The following WIPF1 variants were observed in gnomAD, a reference collection of about 807,000 sequenced individuals.
WIPF1 encodes the protein WAS/WASL interacting protein family member 1.
A neutral mutation model predicts 35.4 loss-of-function variants in WIPF1; 13 were observed. That is an observed-to-expected ratio of 0.37 (90% CI 0.24 to 0.58). WIPF1 has a LOEUF of 0.58. Among genes scored for constraint, WIPF1 ranks in the 20% least tolerant of loss-of-function variants. The probability of loss-of-function intolerance (pLI) is 0.74; values close to 1 mark genes in which losing one functional copy is unlikely to be tolerated. For synonymous variants in WIPF1, 267 were observed against 266.3 expected (o/e 1.00, Z -0.02); for missense variants, 591 against 667.0 (o/e 0.89, Z 1.25).
At chr2:174,575,046 T>C in intron 4 of WIPF1, 158 bp downstream of exon 4, 1 of 911,870 alleles carries the variant, frequency 1.1e-6, no homozygotes, top group Non-Finnish European at 1.8e-6. Context: ...ATAATAATAA[T>C]AAAGCCTAAA....
chr2:174,612,472 C>A (rs927954776), intron 1 of WIPF1, among the ~76,000 whole-genome samples: 6 of 152,070 alleles, frequency 3.9e-5, no homozygotes, highest in Non-Finnish European at 8.8e-5. Context: ...TTCATTATTA[C>A]AAATCCTATT....
intron 1 of WIPF1, among the ~76,000 whole-genome samples, chr2:174,652,083 G>A (rs532537884): frequency 3.3e-5 from 5 of 152,318 alleles, no homozygotes; most frequent in Non-Finnish European, 5.9e-5. Flanking sequence ...TGTTTCCAAT[G>A]AACGAGGCAG....
chr2:174,571,720 C>A lies in WIPF1; in HGVS notation c.1085G>T (p.Ser362Ile), dbSNP rs779795011. 6 of 1,613,972 alleles carry A rather than the reference C, an allele frequency of 3.7e-6. No individual in the cohort carries two copies. Among genetic ancestry groups the A allele is most frequent in the Non-Finnish European group, 5.1e-6 (6 of 1,180,032 alleles). The part of the protein sequence containing the change: ...GRSGPLPPPP[S>I]ERPPPPVRDP... ...CCTCACTGGAGGTGGGGGTCTCTCA[C>A]TGGGCGGGGGAGGAAGAGGACCTGA... Residue 362 changes from serine to isoleucine, a missense_variant, in exon 5 of 8, where the codon AGT becomes ATT. Transcript: ENST00000679041. This position sits in a 1 kb window ranked among gnomAD's most constrained non-coding sequence, Gnocchi z 4.6.
chr2:174,669,168 A>G (rs1431642897), intron 1 of WIPF1, among the ~76,000 whole-genome samples: 3 of 152,228 alleles, frequency 2.0e-5, no homozygotes, highest in Non-Finnish European at 2.9e-5. Flanking sequence ...TGGCCATGGC[A>G]AAGTACTGCT....
At chr2:174,635,544 T>TG (rs1687163484) in intron 1 of WIPF1, among the ~76,000 whole-genome samples, 1 of 148,438 alleles carries the variant, frequency 6.7e-6, no homozygotes, top group African/African-American at 2.5e-5. Flanking sequence ...TTTTTTTTTT[T>TG]TTTTTTTTTT....
chr2:174,680,741 C>G (rs959870365), intron 1 of WIPF1, among the ~76,000 whole-genome samples: 3 of 152,186 alleles, frequency 2.0e-5, no homozygotes, highest in Non-Finnish European at 4.4e-5. Context: ...GCATACTACC[C>G]TCTCTTCACC....
chr2:174,564,964 C>T (rs1574781861), intron 7 of WIPF1, among the ~76,000 whole-genome samples: 1 of 151,166 alleles, frequency 6.6e-6, no homozygotes, highest in African/African-American at 2.4e-5. Context: ...ATGGCGACTT[C>T]TGCTCACCGC....
chr2:174,643,811 T>C (rs1218006328), intron 1 of WIPF1, among the ~76,000 whole-genome samples: 1 of 152,232 alleles, frequency 6.6e-6, no homozygotes, highest in African/African-American at 2.4e-5. Flanking sequence ...TTGTATTTCT[T>C]ATTCTATGTC....
chr2:174,672,219 T>C (rs1688032790), intron 1 of WIPF1, among the ~76,000 whole-genome samples: 1 of 152,204 alleles, frequency 6.6e-6, no homozygotes, highest in African/African-American at 2.4e-5. Flanking sequence ...TGAGGACAGA[T>C]GGTTTCAAGG....
At position 174,627,531 on chromosome 2, in the gene WIPF1, T is replaced by C. The variant is rs565657152; in HGVS notation, c.-38-41920A>G. On this transcript the variant is annotated intron_variant, in intron 1 of 8. Transcript: ENST00000272746. ...CCTTCCTTCCTTCCCTCCCTCCTTC[T>C]CTCTTTCTTTCTCTTTCTTTTTTTT... 2.0e-5 allele frequency among the ~76,000 whole-genome samples: 3 copies of C among 147,012 alleles called. No individual in the cohort carries two copies. The East Asian group carries it at 6.3e-4, about 31-fold the overall frequency.
At chr2:174,581,488 T>C in intron 2 of WIPF1, 49 bp from the exon 3 acceptor site, 4 of 1,601,736 alleles carry the variant, frequency 2.5e-6, no homozygotes, top group Non-Finnish European at 8.5e-7. Flanking sequence ...GTTAAAATCA[T>C]GCATTGTAAC....
intron 1 of WIPF1, among the ~76,000 whole-genome samples, chr2:174,633,307 G>A (rs923882810): frequency 1.3e-5 from 2 of 152,126 alleles, no homozygotes; most frequent in Admixed American, 6.5e-5. Flanking sequence ...TTGAGTCCAC[G>A]AGCCCCTCAC....
intron 1 of WIPF1, among the ~76,000 whole-genome samples, chr2:174,647,373 G>GT (rs796140776): frequency 0.011 from 1,653 of 145,820 alleles, 24 homozygotes; most frequent in African/African-American, 0.035. Flanking sequence ...GTGAGATGCT[G>GT]TTTTTTTTTT....
At chr2:174,656,318 A>G (rs1425243487) in intron 1 of WIPF1, 1 of 152,266 alleles carries the variant, frequency 6.6e-6, no homozygotes. Context: ...TGGTTCTTAC[A>G]TAGCAATATG....
In WIPF1 at chr2:174,575,333, C is replaced by T; in HGVS notation, c.229G>A (p.Gly77Ser). 1 of 1,613,854 alleles carries T rather than the reference C, an allele frequency of 6.2e-7. No homozygotes were observed. The highest frequency in any genetic ancestry group is 1.3e-5 in the African/African-American group (1 of 75,008). ...AGGGGGGFGG[G>S]GGFGGGGGGG... ...CCACCTCCTCCGCCAAATCCGCCGC[C>T]TCCACCAAAGCCACCACCACCGCCT... The change falls in exon 4 of 8, where the codon GGC becomes AGC. Residue 77 changes from glycine to serine, a missense_variant. Physicochemically the swap from Gly to Ser is moderately conservative, Grantham distance 56. This residue lies in a region of WIPF1 where 471 missense variants were observed against 501.1 expected (regional missense o/e 0.94). Coordinates refer to ENST00000679041, the MANE Select transcript of WIPF1 (RefSeq NM_001375834.1).
At chr2:174,601,674 C>T (rs140121902), upstream of WIPF1, among the ~76,000 whole-genome samples, 638 of 152,322 alleles carry the variant, frequency 4.2e-3, 4 homozygotes, top group Middle Eastern at 0.017. Flanking sequence ...CGCAGTGAAG[C>T]GGAGTTCTCA....
intron 1 of WIPF1, among the ~76,000 whole-genome samples, chr2:174,637,295 G>T (rs972144457): frequency 1.3e-5 from 2 of 151,814 alleles, no homozygotes; most frequent in African/African-American, 4.8e-5. Flanking sequence ...GATGCTCCAG[G>T]CTCACCATGT....
chr2:174,669,299 A>AT (rs1416214726), intron 1 of WIPF1, among the ~76,000 whole-genome samples: 1 of 152,240 alleles, frequency 6.6e-6, no homozygotes, highest in African/African-American at 2.4e-5. Context: ...AATTAATTTC[A>AT]TAATTCCATT....
At chr2:174,675,918 TTTC>T (rs1414269371) in intron 1 of WIPF1, among the ~76,000 whole-genome samples, 1 of 52,374 alleles carries the variant, frequency 1.9e-5, no homozygotes, top group Non-Finnish European at 4.2e-5. Context: ...TGTTACCCGA[TTTC>T]TTTTTTTTTT....
Sources: gnomAD v4.1 joint callset for allele counts (sites outside exome capture counted in the v4.1 genomes callset) on GRCh38, gnomAD v4.1.1 for gene constraint, gnomAD v4.1.1 regional missense constraint, Gnocchi (gnomAD v3.1) non-coding constraint, MANE v1.5 for transcripts, NCBI Gene and HGNC (gene_info 2026-07-23, HGNC 2026-07-21) for gene names.